The following EPSTI1 variants were observed in gnomAD, a reference collection of about 807,000 sequenced individuals.
EPSTI1 encodes epithelial stromal interaction 1, also known as epithelial-stromal interaction protein 1.
EPSTI1 carries 66 observed loss-of-function variants against 49.9 expected under a neutral mutation model. That is an observed-to-expected ratio of 1.32 (90% CI 1.08 to 1.62). The LOEUF (loss-of-function observed/expected upper bound fraction) is 1.62, where lower values mean the gene tolerates loss of function less well. Among genes scored for constraint, EPSTI1 ranks in the 40% most tolerant of loss-of-function variants. EPSTI1 has a pLI of 0.00. For synonymous variants in EPSTI1, 137 were observed against 130.7 expected (o/e 1.05, Z -0.33); for missense variants, 394 against 365.5 (o/e 1.08, Z -0.64).
intron 5 of EPSTI1, among the ~76,000 whole-genome samples, chr13:42,957,683 C>T (rs991004667): frequency 1.3e-5 from 2 of 152,174 alleles, no homozygotes; most frequent in African/African-American, 2.4e-5. Context: ...TCAAGTGATC[C>T]TCATGCCTCA....
chr13:42,952,443 C>T (rs987152091), intron 6 of EPSTI1, among the ~76,000 whole-genome samples: 1 of 152,194 alleles, frequency 6.6e-6, no homozygotes, highest in Non-Finnish European at 1.5e-5. Flanking sequence ...TCAACTCTTC[C>T]GGCTGAGCCT....
intron 6 of EPSTI1, among the ~76,000 whole-genome samples, chr13:42,941,616 G>A (rs1188739488): frequency 1.4e-4 from 19 of 136,470 alleles, no homozygotes; most frequent in African/African-American, 1.6e-4. Flanking sequence ...CAAGACACTG[G>A]AAAAAAAAAA....
intron 9 of EPSTI1, 140 bp downstream of exon 9, chr13:42,900,170 C>T (rs1034129865): frequency 1.8e-5 from 13 of 722,010 alleles, no homozygotes; most frequent in Admixed American, 9.3e-5. Context: ...ACATATATCA[C>T]GTCCCAATAA....
intron 1 of EPSTI1, among the ~76,000 whole-genome samples, chr13:42,988,995 G>C (rs1386215622): frequency 1.3e-5 from 2 of 151,034 alleles, no homozygotes; most frequent in South Asian, 2.1e-4. Context: ...TGAGTAGCTG[G>C]GACAGAGGTA....
intron 9 of EPSTI1, 86 bp from the exon 10 acceptor site, chr13:42,895,194 G>C (rs2037157034): frequency 1.0e-6 from 1 of 996,952 alleles, no homozygotes; most frequent in Non-Finnish European, 1.5e-6. Context: ...TGTATGAACT[G>C]ACCATGGGGA....
chr13:42,964,075 G>A lies in EPSTI1; in HGVS notation c.396C>T (p.Tyr132=), dbSNP rs548068728. Residue 132 remains tyrosine, a synonymous_variant, in exon 4 of 11, where the codon TAC becomes TAT. Transcript: ENST00000313624. ...AGAGATGAATTCTGACCTTTTGCTT[G>A]TATTTAGATTGCATCAGCTGGAGTT... The part of the protein sequence containing the change: ...KQQLQLMQSK[Y]KQKLKREESV... 1.6e-5 allele frequency: 26 copies of A among 1,612,940 alleles called. No homozygotes were observed. In the South Asian group the frequency reaches 2.6e-4, roughly 16 times the overall value.
chr13:42,923,979 A>G (rs1020767671), intron 7 of EPSTI1, among the ~76,000 whole-genome samples: 33 of 152,252 alleles, frequency 2.2e-4, no homozygotes, highest in African/African-American at 8.0e-4. Flanking sequence ...ATCACATCCC[A>G]TATAGATGGC....
intron 9 of EPSTI1, among the ~76,000 whole-genome samples, chr13:42,898,192 T>C (rs1368747893): frequency 2.0e-5 from 3 of 152,254 alleles, no homozygotes; most frequent in Non-Finnish European, 2.9e-5. Context: ...TTGAGTTTTC[T>C]GCAATGTGAA....
At chr13:42,920,396 TAAAG>T (rs1406714593) in intron 7 of EPSTI1, among the ~76,000 whole-genome samples, 1 of 151,890 alleles carries the variant, frequency 6.6e-6, no homozygotes, top group African/African-American at 2.4e-5. Context: ...ACCAAGTAGA[TAAAG>T]AAACAGTAAG....
chr13:42,937,814 C>G (rs1352746848), intron 6 of EPSTI1, among the ~76,000 whole-genome samples: 1 of 151,994 alleles, frequency 6.6e-6, no homozygotes, highest in African/African-American at 2.4e-5. Context: ...ATATTTTGAC[C>G]TCCTCCCATG....
At chr13:42,950,831 G>A (rs1385367021) in intron 6 of EPSTI1, among the ~76,000 whole-genome samples, 2 of 152,126 alleles carry the variant, frequency 1.3e-5, no homozygotes, top group Non-Finnish European at 2.9e-5. Flanking sequence ...AGGCAGTCTG[G>A]TTGGTCTGGC....
intron 1 of EPSTI1, among the ~76,000 whole-genome samples, chr13:42,982,858 T>G (rs1399574935): frequency 6.6e-6 from 1 of 152,092 alleles, no homozygotes; most frequent in Non-Finnish European, 1.5e-5. Context: ...GGATCCTCCC[T>G]CCTCCCTAAA....
At chr13:42,988,625 G>GGAGGCT (rs1316270548) in intron 1 of EPSTI1, among the ~76,000 whole-genome samples, 9 of 152,028 alleles carry the variant, frequency 5.9e-5, no homozygotes, top group Non-Finnish European at 8.8e-5. Flanking sequence ...CAGCTGCTCA[G>GGAGGCT]GAGGCTGAGG....
intron 10 of EPSTI1, chr13:42,889,319 A>G (rs943015966): frequency 1.1e-4 from 100 of 895,578 alleles, no homozygotes; most frequent in Non-Finnish European, 2.3e-5. Flanking sequence ...AAGAAATATG[A>G]GAAGACTGAT....
chr13:42,954,121 C>A (rs2039187654), intron 5 of EPSTI1, 100 bp from the exon 6 acceptor site: 1 of 916,352 alleles, frequency 1.1e-6, no homozygotes, highest in Non-Finnish European at 1.7e-6. Context: ...GTTCAACTGG[C>A]CTTGATAGTC....
intron 9 of EPSTI1, among the ~76,000 whole-genome samples, chr13:42,897,673 G>A (rs1398394090): frequency 6.6e-6 from 1 of 152,170 alleles, no homozygotes; most frequent in African/African-American, 2.4e-5. Context: ...TCACTTTTGA[G>A]CATCAGTTAC....
At chr13:42,904,731 G>A (rs9533298) in intron 8 of EPSTI1, among the ~76,000 whole-genome samples, 26,121 of 152,074 alleles carry the variant, frequency 0.17, 2,307 homozygotes, top group African/African-American at 0.2. Context: ...AGGGGCCTAT[G>A]GAGAGATCTC....
At chr13:42,974,093 T>C (rs189568589) in intron 1 of EPSTI1, among the ~76,000 whole-genome samples, 7 of 152,200 alleles carry the variant, frequency 4.6e-5, no homozygotes, top group African/African-American at 1.4e-4. Flanking sequence ...CTCAGCACTT[T>C]GGGGGGCTGA....
chr13:42,955,530 G>A (rs924515454), intron 5 of EPSTI1, among the ~76,000 whole-genome samples: 10 of 152,248 alleles, frequency 6.6e-5, no homozygotes, highest in East Asian at 3.9e-4. Context: ...GGCAGGACGC[G>A]GTGACTCACG....
Sources: gnomAD v4.1 joint callset for allele counts (sites outside exome capture counted in the v4.1 genomes callset) on GRCh38, gnomAD v4.1.1 for gene constraint, MANE v1.5 for transcripts, NCBI Gene and HGNC (gene_info 2026-07-23, HGNC 2026-07-21) for gene names.